The following HIVEP3 variants were observed in gnomAD, a reference collection of about 807,000 sequenced individuals.
HIVEP3 encodes HIVEP zinc finger 3, also known as transcription factor HIVEP3.
In HIVEP3, 49 loss-of-function variants were observed where a neutral mutation model predicts 152.8. The ratio of observed to expected loss-of-function variants is 0.32; its 90% CI spans 0.26 to 0.41. The LOEUF (loss-of-function observed/expected upper bound fraction) is 0.41. Among genes scored for constraint, HIVEP3 ranks in the 10% least tolerant of loss-of-function variants. The pLI, the probability that HIVEP3 is intolerant of heterozygous loss-of-function variation, is 1.00. For missense variants in HIVEP3, 2,790 were observed against 3,103.3 expected (o/e 0.90, Z 2.40); for synonymous variants, 1,269 against 1,289.0 (o/e 0.98, Z 0.33).
chr1:41,710,193 C>A (rs1646491950), intron 1 of HIVEP3, among the ~76,000 whole-genome samples: 1 of 152,172 alleles, frequency 6.6e-6, no homozygotes, highest in South Asian at 2.1e-4. Flanking sequence ...CACACTCTGC[C>A]TCTTCAGAGC....
chr1:42,009,192 T>G (rs1217799643), intron 1 of HIVEP3, among the ~76,000 whole-genome samples: 1 of 152,234 alleles, frequency 6.6e-6, no homozygotes, highest in Non-Finnish European at 1.5e-5. Flanking sequence ...CTTAAAACTT[T>G]GAAAGCATTA....
chr1:41,528,464 C>A (rs1643094306), intron 5 of HIVEP3, among the ~76,000 whole-genome samples: 1 of 125,582 alleles, frequency 8.0e-6, no homozygotes, highest in African/African-American at 3.1e-5. Flanking sequence ...CACACCCCAC[C>A]CTCACCTTCA....
At chr1:42,032,298 G>A (rs1645617475) in intron 1 of HIVEP3, among the ~76,000 whole-genome samples, 2 of 152,162 alleles carry the variant, frequency 1.3e-5, no homozygotes, top group African/African-American at 2.4e-5. Context: ...ACTCACTGGT[G>A]CAGGCGCCAT....
chr1:41,753,539 G>T (rs1647200219), intron 1 of HIVEP3, among the ~76,000 whole-genome samples: 1 of 151,970 alleles, frequency 6.6e-6, no homozygotes. Flanking sequence ...GTGGTGGCAT[G>T]TGCCTGTAAT....
At chr1:41,627,260 A>G (rs1429820115) in intron 3 of HIVEP3, among the ~76,000 whole-genome samples, 1 of 152,206 alleles carries the variant, frequency 6.6e-6, no homozygotes, top group Non-Finnish European at 1.5e-5. Context: ...CAACCCTGCG[A>G]GGCAGGTATC....
chr1:41,619,079 C>T (rs912030590), intron 3 of HIVEP3, among the ~76,000 whole-genome samples: 3 of 152,096 alleles, frequency 2.0e-5, no homozygotes, highest in African/African-American at 4.8e-5. Flanking sequence ...GCTCAGGCCT[C>T]CCAGGGCTTC....
chr1:41,556,007 G>T (rs1420919302), intron 5 of HIVEP3, among the ~76,000 whole-genome samples: 2 of 152,184 alleles, frequency 1.3e-5, no homozygotes, highest in Non-Finnish European at 2.9e-5. Flanking sequence ...TGCATGACTA[G>T]AACGTATTTT....
At chr1:41,628,980 A>G in intron 2 of HIVEP3, 33 bp from the exon 3 acceptor site, 1 of 1,227,718 alleles carries the variant, frequency 8.1e-7, no homozygotes, top group Non-Finnish European at 1.0e-6. Context: ...ATGGTCAAAG[A>G]ACTTTCTTGG....
At chr1:41,789,655 T>C (rs952665303) in intron 1 of HIVEP3, among the ~76,000 whole-genome samples, 2 of 152,230 alleles carry the variant, frequency 1.3e-5, no homozygotes, top group African/African-American at 2.4e-5. Context: ...GTGTAGGTGA[T>C]AGGCTAGTGT....
In HIVEP3 at chr1:41,528,381, A is replaced by G. The variant is rs1426040282; in HGVS notation, c.5208-3471T>C. Among the ~76,000 whole-genome samples the G allele has an allele frequency of 1.1e-4, 12 of 112,206 alleles. No individual in the cohort carries two copies. The South Asian group carries it at 3.5e-3, about 33-fold the overall frequency. 73.6% of individuals were successfully genotyped at this position (112,206 alleles called of 152,430 possible). A position where few individuals can be genotyped will look rare whatever the true frequency, so the allele number is the denominator to read the frequency against. ...ACCCCGCCCTTACACTCACCTTCAC[A>G]CAGTCCACACGCCCACCCTCACCTT... On this transcript the variant is annotated intron_variant, in intron 5 of 8. Transcript: ENST00000372583.
Position 41,939,830 on chromosome 1 carries a change from G to A in HIVEP3, n.120-21306C>T, listed in dbSNP as rs539998023. Among the ~76,000 whole-genome samples, 8 of 151,994 alleles carry A rather than the reference G, an allele frequency of 5.3e-5. No individual in the cohort carries two copies. The East Asian group carries it at 1.5e-3, about 29-fold the overall frequency. ...CTCAGTACTTGCCTGAGTTATTAAG[G>A]TTATTAAGCTAAATATATGTCTTCC... is the stretch of plus-strand genomic sequence containing the variant. On this transcript the variant is annotated intron_variant and non_coding_transcript_variant, in intron 1 of 3. Transcript: ENST00000489103.
At position 41,806,670 on chromosome 1, in the gene HIVEP3, G is replaced by T. The variant is rs2124320670; in HGVS notation, c.-800-105675C>A. ...TGATGAGTAAAAGCTGAGCAGGAAG[G>T]GGGAAACTGTGCTTCCCCTCTGTGG... On this transcript the variant is annotated intron_variant, in intron 1 of 8. Transcript: ENST00000372583. Among the ~76,000 whole-genome samples the T allele has an allele frequency of 2.0e-5, 3 of 152,332 alleles. 1 individual carries two copies. The South Asian group carries it at 6.2e-4, about 32-fold the overall frequency.
intron 2 of HIVEP3, among the ~76,000 whole-genome samples, chr1:41,637,138 G>A (rs1558135662): frequency 6.6e-6 from 1 of 152,060 alleles, no homozygotes. Flanking sequence ...ATGTTGACTC[G>A]GCAGCTTTGC....
At position 41,513,384 on chromosome 1, in the gene HIVEP3, G is replaced by A. The variant is rs760560068; in HGVS notation, c.5837C>T (p.Pro1946Leu). ...MPGLPWLGPAPLGSVEKDTGS... is the reference protein window; with the variant it reads ...MPGLPWLGPALLGSVEKDTGS... ...TGTGTCTTTCTCCACAGAGCCCAGA[G>A]GGGCCGGTCCCAGCCAGGGGAGGCC... Residue 1946 changes from proline to leucine, a missense_variant, in exon 8 of 9, where the codon CCT becomes CTT. Physicochemically the swap from Pro to Leu is moderately conservative, Grantham distance 98. Coordinates refer to ENST00000372583, the MANE Select transcript of HIVEP3 (RefSeq NM_024503.5). 1 of 1,612,168 alleles carries A rather than the reference G, an allele frequency of 6.2e-7. No individual in the cohort carries two copies. The highest frequency in any genetic ancestry group is 8.5e-7 in the Non-Finnish European group (1 of 1,179,410).
intron 1 of HIVEP3, among the ~76,000 whole-genome samples, chr1:41,750,443 C>G (rs1647141510): frequency 6.6e-6 from 1 of 152,192 alleles, no homozygotes; most frequent in South Asian, 2.1e-4. Context: ...TCCTAAGCTC[C>G]AGTGTGTGCA....
intron 1 of HIVEP3, among the ~76,000 whole-genome samples, chr1:41,821,338 T>C (rs1401563671): frequency 1.3e-5 from 2 of 152,218 alleles, no homozygotes; most frequent in South Asian, 2.1e-4. Flanking sequence ...AATGTAGGCA[T>C]GCATCCCTTG....
chr1:41,938,517 G>A lies in HIVEP3; in HGVS notation n.120-19993C>T, dbSNP rs556501644. ...GATAATTCAGTGTAACCAAACCACT[G>A]ATGAATGTTGATTAATGCCATCTAG... On this transcript the variant is annotated intron_variant and non_coding_transcript_variant, in intron 1 of 3. Transcript: ENST00000489103. 3.3e-5 allele frequency among the ~76,000 whole-genome samples: 5 copies of A among 152,304 alleles called. No individual in the cohort carries two copies. In the East Asian group the frequency reaches 5.8e-4, roughly 18 times the overall value.
chr1:41,951,622 G>C lies in HIVEP3; in HGVS notation n.120-33098C>G, dbSNP rs530490475. Among the ~76,000 whole-genome samples the C allele has an allele frequency of 9.8e-5, 15 of 152,322 alleles. No homozygotes were observed. In the South Asian group the frequency reaches 3.1e-3, roughly 32 times the overall value. Reference sequence around the variant, plus strand: ...GAGACTGGGTAATTTATCAAGAAAAGAGTTTCAATTGACTCGCAGTTCCAC... The same window carrying C: ...GAGACTGGGTAATTTATCAAGAAAACAGTTTCAATTGACTCGCAGTTCCAC... On this transcript the variant is annotated intron_variant and non_coding_transcript_variant, in intron 1 of 3. Transcript: ENST00000489103.
chr1:41,903,903 T>C (rs1644667353), intron 1 of HIVEP3, among the ~76,000 whole-genome samples: 1 of 147,068 alleles, frequency 6.8e-6, no homozygotes, highest in South Asian at 2.2e-4. Context: ...CCTTTTTTTT[T>C]CTTTTTTTTT....
Sources: allele counts gnomAD v4.1 joint callset (sites outside exome capture counted in the v4.1 genomes callset), GRCh38; gene constraint gnomAD v4.1.1; transcripts MANE v1.5; gene names NCBI Gene and HGNC (gene_info 2026-07-23, HGNC 2026-07-21).